RBL2: variants seen among roughly 807,000 people sequenced by gnomAD.
The protein encoded by RBL2 is retinoblastoma-like protein 2.
RBL2 carries 56 observed loss-of-function variants against 126.0 expected under a neutral mutation model. That is an observed-to-expected ratio of 0.44 (90% confidence interval 0.36 to 0.56). The LOEUF (loss-of-function observed/expected upper bound fraction) is 0.56, where lower values mean the gene tolerates loss of function less well. RBL2 is among the 20% of genes least tolerant of loss of function. The pLI is 0.00. For missense variants in RBL2, 1,229 were observed against 1,398.2 expected (o/e 0.88, Z 1.93); for synonymous variants, 454 against 478.5 (o/e 0.95, Z 0.67).
intron 11 of RBL2, among the ~76,000 whole-genome samples, chr16:53,463,385 G>T (rs2058241394): frequency 6.6e-6 from 1 of 151,766 alleles, no homozygotes; most frequent in Non-Finnish European, 1.5e-5. Context: ...AGAGTGCAGT[G>T]GTGCAATCTC....
chr16:53,441,639 T>G (rs2058017280), intron 2 of RBL2, among the ~76,000 whole-genome samples: 1 of 152,206 alleles, frequency 6.6e-6, no homozygotes, highest in Non-Finnish European at 1.5e-5. Context: ...AGCATTTATA[T>G]AAAATGTAAA....
intron 14 of RBL2, 127 bp from the exon 15 acceptor site, chr16:53,469,789 C>G (rs1394391421): frequency 8.7e-7 from 1 of 1,149,424 alleles, no homozygotes; most frequent in Middle Eastern, 2.1e-4. Context: ...TTCTGTAATT[C>G]TTGTTTGCTT....
At chr16:53,483,396 A>G (rs1961034134) in intron 21 of RBL2, among the ~76,000 whole-genome samples, 1 of 152,178 alleles carries the variant, frequency 6.6e-6, no homozygotes, top group African/African-American at 2.4e-5. Flanking sequence ...CATCCCTACA[A>G]CAAATAAAAA....
At chr16:53,469,558 TTATAGAAAAATATAA>T (rs1231974289) in intron 14 of RBL2, among the ~76,000 whole-genome samples, 4 of 152,098 alleles carry the variant, frequency 2.6e-5, no homozygotes, top group Non-Finnish European at 4.4e-5. Context: ...ATAGAAAATA[TTATAGAAAAATATAA>T]TATAGAAAAA....
chr16:53,440,953 C>CTTTTTTTTTTTT (rs1178378934), intron 2 of RBL2, among the ~76,000 whole-genome samples: 7 of 71,672 alleles, frequency 9.8e-5, no homozygotes, highest in Non-Finnish European at 1.5e-4. Context: ...TTTTTCAGTT[C>CTTTTTTTTTTTT]TTTTTTTTTT....
intron 17 of RBL2, among the ~76,000 whole-genome samples, chr16:53,471,571 C>T (rs1282249157): frequency 6.6e-6 from 1 of 151,970 alleles, no homozygotes; most frequent in Admixed American, 6.5e-5. Context: ...CAGGTTCAAG[C>T]GATTCTCCTG....
chr16:53,459,293 A>G (rs2058196786), intron 8 of RBL2, among the ~76,000 whole-genome samples, 158 bp from the exon 9 acceptor site: 1 of 152,218 alleles, frequency 6.6e-6, no homozygotes, highest in Non-Finnish European at 1.5e-5. Context: ...AAATTCCAAG[A>G]ATGGTGACAT....
At chr16:53,477,909 T>C (rs1204137032) in intron 17 of RBL2, among the ~76,000 whole-genome samples, 1 of 152,214 alleles carries the variant, frequency 6.6e-6, no homozygotes, top group East Asian at 1.9e-4. Flanking sequence ...GCTTTCTTCA[T>C]GTGTAGTGTT....
Position 53,470,522 on chromosome 16 carries a change from AG to A in RBL2, c.2387del (p.Gly796GlufsTer28), listed in dbSNP as rs1254401446. 1 of 1,614,060 alleles carries A rather than the reference AG, an allele frequency of 6.2e-7. No homozygotes were observed. Among genetic ancestry groups the A allele is most frequent in the Non-Finnish European group, 8.5e-7 (1 of 1,180,036 alleles). On this transcript the variant is annotated frameshift_variant, in exon 16 of 22. Transcript: ENST00000262133. LOFTEE classifies it high-confidence loss of function. ...AGSLSSQQVT[G>X]TTLQVPGQVA... ...GAAGTCTGAGCTCTCAACAGGTGAC[AG>A]GAACAACTTTGCAAGTCCCTGGTCA... is the stretch of plus-strand genomic sequence containing the variant.
In RBL2 at chr16:53,467,181, A is replaced by G; in HGVS notation, c.1975+12A>G. 6.3e-7 allele frequency: 1 copy of G among 1,584,018 alleles called. No individual in the cohort carries two copies. The highest frequency in any genetic ancestry group is 8.7e-7 in the Non-Finnish European group (1 of 1,154,550). On this transcript the variant is annotated intron_variant, in intron 14 of 21. Coordinates refer to ENST00000262133, the MANE Select transcript of RBL2 (RefSeq NM_005611.4). ...AGGACTTGGAAGGAGTAAGTTTAAA[A>G]TACTAGGAGAATATTTTGGGGCTTA...
At chr16:53,466,248 C>G (rs2150809672) in intron 13 of RBL2, 1 of 152,240 alleles carries the variant, frequency 6.6e-6, no homozygotes, top group African/African-American at 2.4e-5. Context: ...AGTGTTCTTT[C>G]TTGATTTCCT....
intron 21 of RBL2, among the ~76,000 whole-genome samples, chr16:53,486,184 C>G (rs565922670): frequency 6.6e-6 from 1 of 150,700 alleles, no homozygotes; most frequent in Admixed American, 6.6e-5. Flanking sequence ...GCCTATAGTC[C>G]CAGTTACTTG....
intron 2 of RBL2, among the ~76,000 whole-genome samples, chr16:53,442,277 A>G (rs2058024058): frequency 6.6e-6 from 1 of 152,306 alleles, no homozygotes; most frequent in Non-Finnish European, 1.5e-5. Context: ...CTGAACTCCA[A>G]CATGGGTGAT....
chr16:53,445,196 G>T (rs145345090), intron 3 of RBL2, among the ~76,000 whole-genome samples: 3 of 151,770 alleles, frequency 2.0e-5, no homozygotes, highest in African/African-American at 7.3e-5. Context: ...GAGTGGTGGC[G>T]CACACCTGTG....
chr16:53,439,151 C>T lies in RBL2; in HGVS notation c.371+5C>T. ...CCTGAAATGTTCAGAGCAGAGGTAACTATGTTAGAGTTTGACAAGTAGAGT... is the reference window on the plus strand; with the variant it reads ...CCTGAAATGTTCAGAGCAGAGGTAATTATGTTAGAGTTTGACAAGTAGAGT... On this transcript the variant is annotated splice_donor_5th_base_variant and intron_variant, in intron 2 of 21. Coordinates refer to ENST00000262133, the MANE Select transcript of RBL2 (RefSeq NM_005611.4). The T allele has an allele frequency of 1.3e-5, 20 of 1,579,556 alleles. No individual in the cohort carries two copies. Among genetic ancestry groups the T allele is most frequent in the Non-Finnish European group, 1.7e-5 (20 of 1,165,564 alleles).
intron 21 of RBL2, 53 bp downstream of exon 21, chr16:53,481,888 T>G: frequency 1.3e-6 from 2 of 1,521,458 alleles, no homozygotes; most frequent in Admixed American, 1.7e-5. Flanking sequence ...CTTCAGATGC[T>G]AGAAACAGGG....
intron 14 of RBL2, among the ~76,000 whole-genome samples, chr16:53,468,237 T>C (rs1315444883): frequency 6.6e-6 from 1 of 152,178 alleles, no homozygotes; most frequent in African/African-American, 2.4e-5. Context: ...ATACCAGTTT[T>C]AAAGTCAGGA....
chr16:53,447,255 C>G (rs775609970), intron 4 of RBL2, 149 bp downstream of exon 4: 2 of 474,664 alleles, frequency 4.2e-6, no homozygotes, highest in South Asian at 4.2e-5. Context: ...TTAAGTATTG[C>G]CTTTTCATCA....
chr16:53,490,144 TAATAGTATG>T lies in RBL2; in HGVS notation c.3266_3274del (p.Asn1089_Met1091del). 1 of 1,582,698 alleles carries T rather than the reference TAATAGTATG, an allele frequency of 6.3e-7. No individual in the cohort carries two copies. The highest frequency in any genetic ancestry group is 8.6e-7 in the Non-Finnish European group (1 of 1,162,480). On this transcript the variant is annotated inframe_deletion, in exon 22 of 22. Transcript: ENST00000262133. ...TCCCACCATAGAGACTGAGAGAAAT[TAATAGTATG>T]ATACGCACAGGAGAAACTCCTACTA...
Sources: gnomAD v4.1 joint callset for allele counts (sites outside exome capture counted in the v4.1 genomes callset) on GRCh38, gnomAD v4.1.1 for gene constraint, MANE v1.5 for transcripts, NCBI Gene and HGNC (gene_info 2026-07-23, HGNC 2026-07-21) for gene names.